USP6NL: variants seen among roughly 807,000 people sequenced by gnomAD.
The protein encoded by USP6NL is USP6 N-terminal-like protein.
Under a neutral mutation model 61.9 loss-of-function variants are expected in USP6NL, and 26 were observed. The observed-to-expected ratio is 0.42, with a 90% CI of 0.31 to 0.58. The LOEUF (loss-of-function observed/expected upper bound fraction) is 0.58, where lower values mean the gene tolerates loss of function less well. USP6NL is among the 20% of genes least tolerant of loss of function. The pLI, the probability that USP6NL is intolerant of heterozygous loss-of-function variation, is 0.16. For missense variants in USP6NL, 1,114 were observed against 1,034.3 expected (o/e 1.08, Z -1.06); for synonymous variants, 432 against 390.1 (o/e 1.11, Z -1.27).
intron 7 of USP6NL, among the ~76,000 whole-genome samples, chr10:11,494,554 C>T (rs1334030645): frequency 6.6e-6 from 1 of 152,172 alleles, no homozygotes; most frequent in East Asian, 1.9e-4. Context: ...GGGACCACTA[C>T]TACCAATGCG....
At chr10:11,576,248 C>A (rs1374402529) in intron 2 of USP6NL, among the ~76,000 whole-genome samples, 1 of 152,158 alleles carries the variant, frequency 6.6e-6, no homozygotes, top group Non-Finnish European at 1.5e-5. Flanking sequence ...AAAATTAGAT[C>A]CTGACTCACT....
At chr10:11,494,544 G>A (rs1019169818) in intron 7 of USP6NL, among the ~76,000 whole-genome samples, 1 of 152,162 alleles carries the variant, frequency 6.6e-6, no homozygotes, top group Non-Finnish European at 1.5e-5. Context: ...CTGGGCCCAG[G>A]GGACCACTAC....
At chr10:11,507,845 A>G (rs957788277) in intron 6 of USP6NL, among the ~76,000 whole-genome samples, 2 of 152,226 alleles carry the variant, frequency 1.3e-5, no homozygotes, top group African/African-American at 2.4e-5. Flanking sequence ...CTAATGGGGT[A>G]GGTAGTACAG....
Position 11,587,984 on chromosome 10 carries a change from C to A in USP6NL, c.4+9647G>T, listed in dbSNP as rs1838033598. On this transcript the variant is annotated intron_variant, in intron 2 of 14. Transcript: ENST00000609104. The surrounding 1 kb of genome is among the most constrained non-coding windows in gnomAD (Gnocchi z 4.5). Reference sequence around the variant, plus strand: ...CTAAACAGCTAAACGTGAAGGAAATCTAGAGATCACCAGGCAGTCTTCCTT... The same window carrying A: ...CTAAACAGCTAAACGTGAAGGAAATATAGAGATCACCAGGCAGTCTTCCTT... Among the ~76,000 whole-genome samples, 1 of 152,178 alleles carries A rather than the reference C, an allele frequency of 6.6e-6. No individual in the cohort carries two copies. The highest frequency in any genetic ancestry group is 2.4e-5 in the African/African-American group (1 of 41,446).
Position 11,462,527 on chromosome 10 carries a change from C to T in USP6NL, c.2401G>A (p.Gly801Arg), listed in dbSNP as rs1415290072. Residue 801 changes from glycine to arginine, a missense_variant, in exon 15 of 15, where the codon GGA becomes AGA. By Grantham distance (125) the Gly-to-Arg change is moderately radical. Transcript: ENST00000609104. The stretch of plus-strand genomic sequence containing the variant: ...GGCGGGGGCCCTGAATATGGATATC[C>T]AGATGGACTGGCATCTTCTGCGGCC... ...SPAAEDASPSGYPYSGPPPPA... is the reference protein window; with the variant it reads ...SPAAEDASPSRYPYSGPPPPA... 1 of 1,613,900 alleles carries T rather than the reference C, an allele frequency of 6.2e-7. No individual in the cohort carries two copies. Among genetic ancestry groups the T allele is most frequent in the African/African-American group, 1.3e-5 (1 of 74,916 alleles).
intron 2 of USP6NL, among the ~76,000 whole-genome samples, chr10:11,551,294 A>T (rs1470421298): frequency 6.6e-6 from 1 of 152,242 alleles, no homozygotes; most frequent in Non-Finnish European, 1.5e-5. Context: ...AAAAGGAAAA[A>T]ACTGCTGATA....
chr10:11,505,144 G>A lies in USP6NL; in HGVS notation c.277-3936C>T, dbSNP rs536551220. Among the ~76,000 whole-genome samples, 13 of 152,292 alleles carry A rather than the reference G, an allele frequency of 8.5e-5. No homozygotes were observed. In the South Asian group the frequency reaches 2.7e-3, roughly 32 times the overall value. ...GAAAGGAGGAACTAATCCTGTGTGA[G>A]AGATGGAAAGGAGTTCCTTTAGAGA... On this transcript the variant is annotated intron_variant, in intron 6 of 14. Coordinates refer to ENST00000609104, the MANE Select transcript of USP6NL (RefSeq NM_014688.5).
chr10:11,590,124 G>C (rs1275572223), intron 2 of USP6NL, among the ~76,000 whole-genome samples: 1 of 152,148 alleles, frequency 6.6e-6, no homozygotes, highest in Non-Finnish European at 1.5e-5. Flanking sequence ...AAGTAGGAGT[G>C]GGAGACTGGG....
intron 2 of USP6NL, among the ~76,000 whole-genome samples, chr10:11,534,099 G>C (rs1018503073): frequency 6.6e-6 from 1 of 150,726 alleles, no homozygotes; most frequent in African/African-American, 2.5e-5. Context: ...CCCCACCCTT[G>C]ATATCTGATC....
At chr10:11,551,201 A>G (rs1238459558) in intron 2 of USP6NL, among the ~76,000 whole-genome samples, 1 of 152,252 alleles carries the variant, frequency 6.6e-6, no homozygotes, top group Non-Finnish European at 1.5e-5. Context: ...GCCCAAAACT[A>G]GAAACAACCT....
Position 11,498,235 on chromosome 10 carries a change from C to CA in USP6NL, c.384+2865dup, listed in dbSNP as rs11341542. Among the ~76,000 whole-genome samples, 31 of 38,808 alleles carry CA rather than the reference C, an allele frequency of 8.0e-4. 1 individual carries two copies. The highest frequency in any genetic ancestry group is 2.7e-3 in the African/African-American group (19 of 7,120). The allele number at this position is 38,808 out of a possible 152,430, so 25.5% of individuals were successfully genotyped here. ...TGGGCAACAGAGTGACACTCTGTCT[C>CA]AAAAAAAAAAAAAAAAAAAAAAAAA... On this transcript the variant is annotated intron_variant, in intron 7 of 14. Coordinates refer to ENST00000609104, the MANE Select transcript of USP6NL (RefSeq NM_014688.5).
At position 11,477,277 on chromosome 10, in the gene USP6NL, T is replaced by G. The variant is rs370868319; in HGVS notation, c.1078+4493A>C. Among the ~76,000 whole-genome samples, 366 of 152,298 alleles carry G rather than the reference T, an allele frequency of 2.4e-3. 1 individual carries two copies. Among genetic ancestry groups the G allele is most frequent in the African/African-American group, 8.5e-3 (353 of 41,576 alleles). On this transcript the variant is annotated intron_variant, in intron 14 of 14. Coordinates refer to ENST00000609104, the MANE Select transcript of USP6NL (RefSeq NM_014688.5). ...AAGCCAATTAATAAAGACTAAATTC[T>G]GGATAATTTTATCAAAGAGCAGGAG...
chr10:11,463,744 G>T lies in USP6NL; in HGVS notation c.1184C>A (p.Pro395Gln). 6.3e-7 allele frequency: 1 copy of T among 1,596,960 alleles called. No homozygotes were observed. Among genetic ancestry groups the T allele is most frequent in the Non-Finnish European group, 8.5e-7 (1 of 1,170,590 alleles). The change falls in exon 15 of 15, where the codon CCG becomes CAG. Residue 395 changes from proline (P) to glutamine (Q), a missense_variant. Coordinates refer to ENST00000609104, the MANE Select transcript of USP6NL (RefSeq NM_014688.5). The surrounding 1 kb of genome is among the most constrained non-coding windows in gnomAD (Gnocchi z 6.3). ...LSNGQRSVGR[P>Q]SPLASGRRES... ...CCTCCTGCCGCTGGCCAGCGGGCTC[G>T]GCCGGCCCACGCTCCTCTGTCCGTT...
chr10:11,462,896 T>C lies in USP6NL; in HGVS notation c.2032A>G (p.Ser678Gly). 6.2e-7 allele frequency: 1 copy of C among 1,613,662 alleles called. No homozygotes were observed. The highest frequency in any genetic ancestry group is 8.5e-7 in the Non-Finnish European group (1 of 1,179,756). Residue 678 changes from serine (S) to glycine (G), a missense_variant, in exon 15 of 15, where the codon AGT becomes GGT. Coordinates refer to ENST00000609104, the MANE Select transcript of USP6NL (RefSeq NM_014688.5). ...RRPHGSTLSV[S>G]ASPEKSYSRP... Reference sequence around the variant, plus strand: ...CTGTAAGATTTCTCCGGAGAAGCACTGACGGAAAGAGTAGAACCATGAGGT... The same window carrying C: ...CTGTAAGATTTCTCCGGAGAAGCACCGACGGAAAGAGTAGAACCATGAGGT...
intron 5 of USP6NL, among the ~76,000 whole-genome samples, chr10:11,512,803 C>T (rs928958561): frequency 2.6e-5 from 4 of 152,176 alleles, no homozygotes; most frequent in Non-Finnish European, 4.4e-5. Context: ...TCCCAGATCG[C>T]TCCATGTTCC....
In USP6NL at chr10:11,462,411, C is replaced by G. The variant is rs747117805; in HGVS notation, c.*30G>C. ...GCAATGTAGGTTTCACGTGGTTTCT[C>G]TCTCGTCTTTAGCAAGTACACGTCA... On this transcript the variant is annotated 3_prime_UTR_variant, in exon 15 of 15. Coordinates refer to ENST00000609104, the MANE Select transcript of USP6NL (RefSeq NM_014688.5). 11 of 1,596,956 alleles carry G rather than the reference C, an allele frequency of 6.9e-6. No homozygotes were observed. Among genetic ancestry groups the G allele is most frequent in the Non-Finnish European group, 9.4e-6 (11 of 1,171,694 alleles).
rs770340325 is a variant in USP6NL, at chr10:11,577,497, TTTTG to T, written c.4+20130_4+20133del. On this transcript the variant is annotated intron_variant, in intron 2 of 14. Transcript: ENST00000609104. ...ACTTCTGTATATTAGTTGTTTGTTT[TTTTG>T]TTTGTTTGTTTTGGGGGAGGACAGA... Among the ~76,000 whole-genome samples, 356 of 152,256 alleles carry T rather than the reference TTTTG, an allele frequency of 2.3e-3. 2 individuals are homozygous for T. Among genetic ancestry groups the T allele is most frequent in the African/African-American group, 5.7e-3 (236 of 41,558 alleles).
chr10:11,479,566 T>G (rs74230449), intron 14 of USP6NL, among the ~76,000 whole-genome samples: 15,866 of 108,244 alleles, frequency 0.15, 1,309 homozygotes, highest in East Asian at 0.49. Context: ...CATGTAGGTG[T>G]TTTTTTTTTT....
At chr10:11,557,306 G>C (rs977353287) in intron 2 of USP6NL, among the ~76,000 whole-genome samples, 11 of 152,116 alleles carry the variant, frequency 7.2e-5, no homozygotes. Flanking sequence ...GTCATAAAAA[G>C]AGACAAATAG....
Sources: allele counts gnomAD v4.1 joint callset (sites outside exome capture counted in the v4.1 genomes callset), GRCh38; gene constraint gnomAD v4.1.1; non-coding constraint Gnocchi (gnomAD v3.1); transcripts MANE v1.5; gene names NCBI Gene and HGNC (gene_info 2026-07-23, HGNC 2026-07-21).